The following CSMD3 variants were observed in gnomAD, a reference collection of about 807,000 sequenced individuals.
CSMD3 encodes CUB and sushi domain-containing protein 3.
A neutral mutation model predicts 435.2 loss-of-function variants in CSMD3; 177 were observed. That is an observed-to-expected ratio of 0.41 (90% CI 0.36 to 0.46). CSMD3 has a LOEUF of 0.46. CSMD3 is among the 20% of genes least tolerant of loss of function. The pLI is 0.34. For synonymous variants in CSMD3, 1,656 were observed against 1,520.5 expected (o/e 1.09, Z -2.07); for missense variants, 4,265 against 4,504.6 (o/e 0.95, Z 1.52).
intron 1 of CSMD3, among the ~76,000 whole-genome samples, chr8:113,397,026 A>C (rs1283385185): frequency 6.6e-6 from 1 of 152,150 alleles, no homozygotes; most frequent in Non-Finnish European, 1.5e-5. Context: ...ATTTATTTTA[A>C]GTATAAACGA....
At chr8:113,057,911 T>G (rs973127542) in intron 5 of CSMD3, among the ~76,000 whole-genome samples, 5 of 151,796 alleles carry the variant, frequency 3.3e-5, no homozygotes, top group Admixed American at 3.3e-4. Flanking sequence ...TTGAACTACA[T>G]TGTAATACGT....
intron 6 of CSMD3, among the ~76,000 whole-genome samples, chr8:113,018,502 T>C (rs561354294): frequency 6.6e-6 from 1 of 152,284 alleles, no homozygotes; most frequent in South Asian, 2.1e-4. Context: ...TAAGCTCACA[T>C]AGTATTACAG....
chr8:113,155,905 G>A (rs1343530364), intron 4 of CSMD3, among the ~76,000 whole-genome samples: 3 of 152,024 alleles, frequency 2.0e-5, no homozygotes, highest in Non-Finnish European at 2.9e-5. Flanking sequence ...ACTGTTGGAA[G>A]GTGGATACAG....
chr8:113,061,769 G>A (rs1042331364), intron 5 of CSMD3, among the ~76,000 whole-genome samples: 2 of 151,854 alleles, frequency 1.3e-5, no homozygotes, highest in Non-Finnish European at 1.5e-5. Flanking sequence ...AAAAGTTAAA[G>A]CAGGATATCA....
intron 59 of CSMD3, among the ~76,000 whole-genome samples, chr8:112,273,941 A>C (rs1817776162): frequency 6.6e-6 from 1 of 151,874 alleles, no homozygotes; most frequent in Admixed American, 6.6e-5. Flanking sequence ...CATACAAAAA[A>C]AAAAAAAAAG....
chr8:113,414,882 C>T (rs2129853694), intron 1 of CSMD3, among the ~76,000 whole-genome samples: 1 of 152,200 alleles, frequency 6.6e-6, no homozygotes, highest in African/African-American at 2.4e-5. Context: ...AGGAGAATCA[C>T]TTCAGCCCAG....
At chr8:113,041,709 T>C (rs1320191808) in intron 5 of CSMD3, among the ~76,000 whole-genome samples, 3 of 138,298 alleles carry the variant, frequency 2.2e-5, no homozygotes, top group African/African-American at 5.0e-5. Context: ...ATGAAAAAAA[T>C]TGTTATGTCT....
chr8:112,346,306 T>C (rs1825663666), intron 40 of CSMD3, 93 bp from the exon 41 acceptor site: 1 of 827,340 alleles, frequency 1.2e-6, no homozygotes, highest in African/African-American at 1.7e-5. Flanking sequence ...TTTTCAAGGC[T>C]CTGAGTTAAA....
In CSMD3 at chr8:112,314,792, G is replaced by A. The variant is rs1163825982; in HGVS notation, c.7361-175C>T. On this transcript the variant is annotated intron_variant, in intron 47 of 70. Coordinates refer to ENST00000297405, the MANE Select transcript of CSMD3 (RefSeq NM_198123.2). ...CTTATGATTCAAAAGCTGGAGGAAT[G>A]ACCTAAAAATTTATAGTATTGATTT... is the stretch of plus-strand genomic sequence containing the variant. 2.6e-5 allele frequency among the ~76,000 whole-genome samples: 4 copies of A among 151,972 alleles called. No homozygotes were observed. The East Asian group carries it at 7.7e-4, about 29-fold the overall frequency.
At chr8:113,372,244 C>A (rs1328387397) in intron 1 of CSMD3, among the ~76,000 whole-genome samples, 3 of 152,194 alleles carry the variant, frequency 2.0e-5, no homozygotes, top group African/African-American at 7.2e-5. Flanking sequence ...TGAAAAAGTT[C>A]ATTTCACATT....
intron 32 of CSMD3, among the ~76,000 whole-genome samples, chr8:112,441,479 T>C (rs1815009817): frequency 1.3e-5 from 2 of 152,192 alleles, no homozygotes; most frequent in South Asian, 4.1e-4. Context: ...TGTTATCCAG[T>C]TCCAAAGTCA....
rs1816793027 is a variant in CSMD3, at chr8:112,455,918, GA to G, written c.5395+16672del. ...TAGTTATTTTTTGTCTCATATTTTTGAAAATGCTGCTGGAAGTTCAGCTGAT... is the reference window on the plus strand; with the variant it reads ...TAGTTATTTTTTGTCTCATATTTTTGAAATGCTGCTGGAAGTTCAGCTGAT... On this transcript the variant is annotated intron_variant, in intron 32 of 70. Transcript: ENST00000297405. Among the ~76,000 whole-genome samples, 3 of 151,796 alleles carry G rather than the reference GA, an allele frequency of 2.0e-5. No individual in the cohort carries two copies. The South Asian group carries it at 6.2e-4, about 32-fold the overall frequency.
At chr8:112,725,727 G>A (rs1408587024) in intron 13 of CSMD3, among the ~76,000 whole-genome samples, 3 of 151,682 alleles carry the variant, frequency 2.0e-5, no homozygotes, top group African/African-American at 7.3e-5. Context: ...AAAATCCGAA[G>A]GATTTTTTTC....
chr8:113,256,011 T>C (rs2093377363), intron 3 of CSMD3, among the ~76,000 whole-genome samples: 2 of 152,064 alleles, frequency 1.3e-5, no homozygotes, highest in Admixed American at 1.3e-4. Flanking sequence ...TACAATTTTC[T>C]ATAGTAAGTA....
intron 13 of CSMD3, 129 bp from the exon 14 acceptor site, chr8:112,690,179 A>AT: frequency 1.4e-6 from 1 of 711,996 alleles, no homozygotes; most frequent in Non-Finnish European, 2.4e-6. Context: ...ATATTCTCCA[A>AT]TCTTTTTTTT....
chr8:113,177,728 C>T (rs2092367264), intron 3 of CSMD3, among the ~76,000 whole-genome samples: 1 of 151,874 alleles, frequency 6.6e-6, no homozygotes, highest in South Asian at 2.1e-4. Flanking sequence ...AAGTTTACTG[C>T]TCTAGGCATA....
In CSMD3 at chr8:112,291,619, G is replaced by A. The variant is rs114926522; in HGVS notation, c.8865C>T (p.Tyr2955=). ...TGCAGTCATAGAATACCACAGTGCC[G>A]TAAGTAAAATTTCCATGTTCTATTT... ...ESKIEHGNFT[Y]GTVVFYDCNP... Residue 2955 remains tyrosine, a synonymous_variant, in exon 56 of 71, where the codon TAC becomes TAT. Transcript: ENST00000297405. 240 of 1,610,754 alleles carry A rather than the reference G, an allele frequency of 1.5e-4. 2 individuals carry two copies. In the African/African-American group the frequency reaches 2.3e-3, roughly 15 times the overall value.
chr8:113,164,502 A>G (rs2092112107), intron 4 of CSMD3, among the ~76,000 whole-genome samples: 1 of 151,826 alleles, frequency 6.6e-6, no homozygotes, highest in African/African-American at 2.4e-5. Flanking sequence ...TACATACATA[A>G]AAATTATGGA....
chr8:112,299,682 C>A lies in CSMD3; in HGVS notation c.8440+2111G>T, dbSNP rs10113732. ...ACAATTATAAGCACATTCTCATGGC[C>A]GTTCTAAGCTAAAAGTGTCTGAGGT... is the stretch of plus-strand genomic sequence containing the variant. On this transcript the variant is annotated intron_variant, in intron 53 of 70. Coordinates refer to ENST00000297405, the MANE Select transcript of CSMD3 (RefSeq NM_198123.2). Among the ~76,000 whole-genome samples the A allele has an allele frequency of 1.3e-3, 191 of 152,046 alleles. 1 individual carries two copies. Among genetic ancestry groups the A allele is most frequent in the African/African-American group, 4.5e-3 (186 of 41,510 alleles).
Sources: gnomAD v4.1 joint callset for allele counts (sites outside exome capture counted in the v4.1 genomes callset) on GRCh38, gnomAD v4.1.1 for gene constraint, MANE v1.5 for transcripts, NCBI Gene and HGNC (gene_info 2026-07-23, HGNC 2026-07-21) for gene names.